Variants in PCMT1 observed in about 807,000 individuals in gnomAD.
The protein encoded by PCMT1 is protein-L-isoaspartate (D-aspartate) O-methyltransferase, also known as protein-L-isoaspartate(D-aspartate) O-methyltransferase.
A neutral mutation model predicts 29.2 loss-of-function variants in PCMT1; 9 were observed. The ratio of observed to expected loss-of-function variants is 0.31; its 90% CI spans 0.19 to 0.54. The LOEUF (loss-of-function observed/expected upper bound fraction) is 0.54, where lower values mean the gene tolerates loss of function less well. Among genes scored for constraint, PCMT1 ranks in the 20% least tolerant of loss-of-function variants. The pLI, the probability that PCMT1 is intolerant of heterozygous loss-of-function variation, is 0.95. For synonymous variants in PCMT1, 98 were observed against 97.5 expected (o/e 1.00, Z -0.03); for missense variants, 184 against 282.2 (o/e 0.65, Z 2.49).
At chr6:149,751,333 T>A (rs942288794) in intron 1 of PCMT1, among the ~76,000 whole-genome samples, 2 of 152,076 alleles carry the variant, frequency 1.3e-5, no homozygotes, top group African/African-American at 4.8e-5. Context: ...AAAAAATTTT[T>A]TTTTGAATTT....
intron 1 of PCMT1, among the ~76,000 whole-genome samples, chr6:149,765,443 G>A (rs1362218122): frequency 1.3e-5 from 2 of 150,960 alleles, no homozygotes; most frequent in Non-Finnish European, 2.9e-5. Context: ...ATGCTTCTTC[G>A]GGTAGAAATA....
At chr6:149,751,278 CT>C (rs1223472542) in intron 1 of PCMT1, among the ~76,000 whole-genome samples, 1 of 152,058 alleles carries the variant, frequency 6.6e-6, no homozygotes, top group Admixed American at 6.5e-5. Flanking sequence ...GATCTTGCCA[CT>C]GCACTCCAGC....
chr6:149,805,572 C>G (rs1775987652), intron 7 of PCMT1, among the ~76,000 whole-genome samples: 1 of 151,530 alleles, frequency 6.6e-6, no homozygotes, highest in South Asian at 2.1e-4. Context: ...CCAGCCTGGG[C>G]AACAGAGCGA....
chr6:149,750,052 G>A, intron 1 of PCMT1, 96 bp downstream of exon 1: 1 of 1,448,218 alleles, frequency 6.9e-7, no homozygotes, highest in Non-Finnish European at 9.2e-7. Flanking sequence ...CTGTCCCCGC[G>A]CGCCTGTTGG....
intron 4 of PCMT1, among the ~76,000 whole-genome samples, chr6:149,791,527 G>A (rs1454932451): frequency 6.6e-6 from 1 of 152,120 alleles, no homozygotes; most frequent in Non-Finnish European, 1.5e-5. Context: ...TGGGAGTTGT[G>A]GATCCACCTT....
rs922028552 is a variant in PCMT1, at chr6:149,774,855, C to T, written c.192+1686C>T. On this transcript the variant is annotated intron_variant, in intron 3 of 7. Transcript: ENST00000464889. The stretch of plus-strand genomic sequence containing the variant: ...CTGAGTAGCTGGGACTACAGGTGCC[C>T]GCCACCATGCCCTGCTAGTTTTTTG... Among the ~76,000 whole-genome samples, 12 of 151,972 alleles carry T rather than the reference C, an allele frequency of 7.9e-5. No homozygotes were observed. The South Asian group carries it at 8.3e-4, about 11-fold the overall frequency.
intron 3 of PCMT1, among the ~76,000 whole-genome samples, chr6:149,776,690 G>T (rs79960455): frequency 0.016 from 2,437 of 152,164 alleles, 33 homozygotes; most frequent in Non-Finnish European, 0.022. Context: ...TGGATTACAG[G>T]CATAAGCCAC....
intron 1 of PCMT1, among the ~76,000 whole-genome samples, chr6:149,768,292 A>T (rs931176152): frequency 6.6e-6 from 1 of 150,806 alleles, no homozygotes; most frequent in African/African-American, 2.4e-5. Flanking sequence ...GGGTCTCCCT[A>T]TGTTGCCCAG....
intron 4 of PCMT1, among the ~76,000 whole-genome samples, chr6:149,790,668 A>C (rs934805654): frequency 2.6e-5 from 4 of 152,066 alleles, no homozygotes; most frequent in African/African-American, 9.7e-5. Flanking sequence ...AGAGCAGTAT[A>C]GCTGGTCAGG....
At chr6:149,758,208 C>CTTTTTTTTTTTTTTTTTTTTTTT (rs756014067) in intron 1 of PCMT1, among the ~76,000 whole-genome samples, 16 of 73,884 alleles carry the variant, frequency 2.2e-4, no homozygotes, top group South Asian at 9.0e-4. Flanking sequence ...TTCTTTCTTT[C>CTTTTTTTTTTTTTTTTTTTTTTT]TTTTTTTTTT....
At chr6:149,787,262 A>G (rs1158339139) in intron 3 of PCMT1, among the ~76,000 whole-genome samples, 2 of 147,952 alleles carry the variant, frequency 1.4e-5, no homozygotes, top group African/African-American at 5.1e-5. Flanking sequence ...TCAGAGGGAG[A>G]CCGTGGAAAG....
At chr6:149,807,665 C>T (rs1776053200) in intron 7 of PCMT1, among the ~76,000 whole-genome samples, 3 of 152,266 alleles carry the variant, frequency 2.0e-5, no homozygotes, top group Non-Finnish European at 4.4e-5. Context: ...GCCACCACAC[C>T]CAGACTATTT....
At chr6:149,797,904 G>T (rs1001350900) in intron 6 of PCMT1, 1 of 151,954 alleles carries the variant, frequency 6.6e-6, no homozygotes, top group Non-Finnish European at 1.5e-5. Flanking sequence ...AGTAGCTCAC[G>T]CCTGTAATCC....
Position 149,769,308 on chromosome 6 carries a change from C to CTTTTTTTTTTTTTTTTTTTTTT in PCMT1, c.56-1851_56-1830dup, listed in dbSNP as rs372773939. Among the ~76,000 whole-genome samples the CTTTTTTTTTTTTTTTTTTTTTT allele has an allele frequency of 2.8e-5, 2 of 71,544 alleles. 1 individual carries two copies. The allele number at this position is 71,544 out of a possible 152,430, so 46.9% of individuals were successfully genotyped here. On this transcript the variant is annotated intron_variant, in intron 1 of 7. Coordinates refer to ENST00000464889, the MANE Select transcript of PCMT1 (RefSeq NM_001360452.2). ...AGTTAGCACCTATTTGTGCAGGATTCTTTTTTTTTTTTTTTTTTTTTTTTG... is the reference window on the plus strand; with the variant it reads ...AGTTAGCACCTATTTGTGCAGGATTCTTTTTTTTTTTTTTTTTTTTTTTTTTTTTTTTTTTTTTTTTTTTTTG...
At chr6:149,778,319 C>T (rs1330893699) in intron 3 of PCMT1, among the ~76,000 whole-genome samples, 1 of 151,730 alleles carries the variant, frequency 6.6e-6, no homozygotes, top group African/African-American at 2.4e-5. Context: ...ACTTTTGCCT[C>T]CCAGGTTCAA....
At chr6:149,779,926 A>G (rs984482931) in intron 3 of PCMT1, among the ~76,000 whole-genome samples, 1 of 152,046 alleles carries the variant, frequency 6.6e-6, no homozygotes, top group African/African-American at 2.4e-5. Flanking sequence ...ATACTTTGTG[A>G]TTTTTTTCTT....
At chr6:149,763,398 G>T (rs1786946266) in intron 1 of PCMT1, among the ~76,000 whole-genome samples, 1 of 150,848 alleles carries the variant, frequency 6.6e-6, no homozygotes, top group Non-Finnish European at 1.5e-5. Flanking sequence ...TTAGAACATG[G>T]GATCCTGGGC....
chr6:149,777,873 C>CTTTT (rs1787640746), intron 3 of PCMT1, among the ~76,000 whole-genome samples: 1 of 120,802 alleles, frequency 8.3e-6, no homozygotes. Flanking sequence ...TCCTTCTTTT[C>CTTTT]TTCTTTTTTT....
intron 3 of PCMT1, among the ~76,000 whole-genome samples, chr6:149,775,364 A>T (rs915757845): frequency 6.6e-6 from 1 of 152,174 alleles, no homozygotes; most frequent in Admixed American, 6.5e-5. Flanking sequence ...TGAAACTTAC[A>T]TATCTAGGAT....
Sources: gnomAD v4.1 joint callset for allele counts (sites outside exome capture counted in the v4.1 genomes callset) on GRCh38, gnomAD v4.1.1 for gene constraint, MANE v1.5 for transcripts, NCBI Gene and HGNC (gene_info 2026-07-23, HGNC 2026-07-21) for gene names.